MYLK: variants seen among roughly 807,000 people sequenced by gnomAD.
MYLK encodes myosin light chain kinase, smooth muscle.
In MYLK, 106 loss-of-function variants were observed where a neutral mutation model predicts 203.4. That is an observed-to-expected ratio of 0.52 (90% CI 0.45 to 0.61). The LOEUF is 0.61. MYLK is among the 20% of genes least tolerant of loss of function. MYLK has a pLI of 0.00. For missense variants in MYLK, 2,072 were observed against 2,442.3 expected, an observed-to-expected ratio of 0.85 and a Z score of 3.20; for synonymous variants, 867 against 959.5, an observed-to-expected ratio of 0.90 and a Z score of 1.78.
At chr3:123,644,286 T>C (rs949310461) in intron 27 of MYLK, among the ~76,000 whole-genome samples, 8 of 152,174 alleles carry the variant, frequency 5.3e-5, no homozygotes, top group South Asian at 4.1e-4. Flanking sequence ...AAGGGATGTA[T>C]AGATGGAGTA....
At chr3:123,825,504 TC>T (rs1473474487) in intron 3 of MYLK, among the ~76,000 whole-genome samples, 1 of 152,156 alleles carries the variant, frequency 6.6e-6, no homozygotes, top group African/African-American at 2.4e-5. Context: ...TCCTTACAAG[TC>T]CTGGGCCCAG....
chr3:123,774,667 T>C (rs1269460984), intron 4 of MYLK, among the ~76,000 whole-genome samples: 3 of 152,194 alleles, frequency 2.0e-5, no homozygotes, highest in Admixed American at 2.0e-4. Context: ...ATTTCACCAG[T>C]GTCCCCTTAG....
rs9848654 is a variant in MYLK, at chr3:123,661,520, T to A, written c.3985+2585A>T. 4.9e-3 allele frequency among the ~76,000 whole-genome samples: 743 copies of A among 152,234 alleles called. 4 individuals carry two copies. Among genetic ancestry groups the A allele is most frequent in the African/African-American group, 0.018 (727 of 41,530 alleles). On this transcript the variant is annotated intron_variant, in intron 23 of 33. Transcript: ENST00000360304. ...AGAGACAGAGTGAGAAAAGGGTTGT[T>A]CTTCTCCTTTAGAAATGAAAAACCC...
At position 123,682,652 on chromosome 3, in the gene MYLK, C is replaced by T. The variant is rs541007600; in HGVS notation, c.3566-342G>A. 4.6e-5 allele frequency among the ~76,000 whole-genome samples: 7 copies of T among 152,318 alleles called. No individual in the cohort carries two copies. In the East Asian group the frequency reaches 1.4e-3, roughly 30 times the overall value. On this transcript the variant is annotated intron_variant, in intron 19 of 33. Coordinates refer to ENST00000360304, the MANE Select transcript of MYLK (RefSeq NM_053025.4). ...GCTCACCTTCCCTGGCTTTCTCCTC[C>T]ATCAGGCCTTGTCTCCCTCATGCTA...
chr3:123,804,513 C>A (rs2065302739), intron 3 of MYLK, among the ~76,000 whole-genome samples: 1 of 152,162 alleles, frequency 6.6e-6, no homozygotes, highest in Non-Finnish European at 1.5e-5. Context: ...ATCACACACT[C>A]CCCTGGAGCA....
At chr3:123,669,860 C>T (rs1417331007) in intron 20 of MYLK, among the ~76,000 whole-genome samples, 1 of 151,600 alleles carries the variant, frequency 6.6e-6, no homozygotes, top group Non-Finnish European at 1.5e-5. Flanking sequence ...CATGGCAAAA[C>T]CCCATCTCTA....
chr3:123,778,129 A>AG (rs2064145318), intron 4 of MYLK, among the ~76,000 whole-genome samples: 1 of 152,068 alleles, frequency 6.6e-6, no homozygotes, highest in Admixed American at 6.5e-5. Context: ...TGCATTCTCA[A>AG]GGGGGTAATA....
chr3:123,685,839 T>G (rs553186304), intron 19 of MYLK, among the ~76,000 whole-genome samples: 1 of 152,278 alleles, frequency 6.6e-6, no homozygotes, highest in South Asian at 2.1e-4. Flanking sequence ...AGTCTTATTT[T>G]TAGAAGTTTC....
At chr3:123,814,841 G>A (rs1315246363) in intron 3 of MYLK, among the ~76,000 whole-genome samples, 1 of 152,064 alleles carries the variant, frequency 6.6e-6, no homozygotes, top group African/African-American at 2.4e-5. Flanking sequence ...TACCCAGGCT[G>A]GAGTACAGCG....
In MYLK at chr3:123,807,414, G is replaced by A. The variant is rs2065408136; in HGVS notation, c.-3-13570C>T. 3.3e-5 allele frequency among the ~76,000 whole-genome samples: 5 copies of A among 151,270 alleles called. No homozygotes were observed. The South Asian group carries it at 1.0e-3, about 32-fold the overall frequency. On this transcript the variant is annotated intron_variant, in intron 3 of 33. Coordinates refer to ENST00000360304, the MANE Select transcript of MYLK (RefSeq NM_053025.4). ...ACTGCACTCCAGCCTGGGCAATGGA[G>A]TGAAACTCCATCCCCCCACCAAAAA...
At chr3:123,773,546 T>C (rs1358808728) in intron 4 of MYLK, among the ~76,000 whole-genome samples, 1 of 152,232 alleles carries the variant, frequency 6.6e-6, no homozygotes, top group Non-Finnish European at 1.5e-5. Flanking sequence ...GGGAGTGGCA[T>C]GCCATATTTG....
chr3:123,733,245 A>G (rs2108788216), intron 10 of MYLK, 143 bp from the exon 11 acceptor site: 1 of 900,316 alleles, frequency 1.1e-6, no homozygotes, highest in East Asian at 2.6e-5. Flanking sequence ...CTGCTTCCTC[A>G]CCCTCAACCA....
chr3:123,716,271 T>G (rs2061890977), intron 13 of MYLK: 1 of 151,844 alleles, frequency 6.6e-6, no homozygotes. Context: ...TTCCAGGGGG[T>G]TTGTGCAAGC....
intron 23 of MYLK, among the ~76,000 whole-genome samples, chr3:123,663,880 A>G (rs2059647627): frequency 6.6e-6 from 1 of 152,154 alleles, no homozygotes; most frequent in Non-Finnish European, 1.5e-5. Flanking sequence ...GACAGGGAAA[A>G]GGATTTCTGC....
intron 4 of MYLK, among the ~76,000 whole-genome samples, chr3:123,789,272 C>T (rs373424509): frequency 1.1e-4 from 16 of 152,192 alleles, no homozygotes; most frequent in Admixed American, 2.0e-4. Context: ...GAACACAGAG[C>T]GCGCGTCTGA....
chr3:123,645,031 C>T (rs1461234091), intron 27 of MYLK, among the ~76,000 whole-genome samples: 1 of 152,264 alleles, frequency 6.6e-6, no homozygotes, highest in East Asian at 1.9e-4. Context: ...TGTTCCACAA[C>T]ACCTTGTTGG....
At position 123,734,085 on chromosome 3, in the gene MYLK, C is replaced by T; in HGVS notation, c.911G>A (p.Gly304Asp). ...SKNCSSPQRG[G>D]SPPWAANSQP... Reference sequence around the variant, plus strand: ...GCTGTTTGCAGCCCAGGGTGGGGAGCCACCTCTCTGGGGGCTGGAGCAGTT... The same window carrying T: ...GCTGTTTGCAGCCCAGGGTGGGGAGTCACCTCTCTGGGGGCTGGAGCAGTT... Residue 304 changes from glycine to aspartate, a missense_variant, in exon 10 of 34, where the codon GGC (glycine) becomes GAC (aspartate). By Grantham distance (94) the Gly-to-Asp change is moderately conservative. Transcript: ENST00000360304. 1 of 1,612,072 alleles carries T rather than the reference C, an allele frequency of 6.2e-7. No individual in the cohort carries two copies.
intron 19 of MYLK, 68 bp downstream of exon 19, chr3:123,692,667 A>C: frequency 1.6e-6 from 2 of 1,231,716 alleles, no homozygotes; most frequent in Non-Finnish European, 2.4e-6. Context: ...AAGGTATGGT[A>C]AGGAAGGGAG....
At chr3:123,660,219 G>A (rs2059519275) in intron 23 of MYLK, among the ~76,000 whole-genome samples, 3 of 152,198 alleles carry the variant, frequency 2.0e-5, no homozygotes, top group African/African-American at 7.2e-5. Context: ...CTGGACCCTC[G>A]CTCCAGGGCT....
Sources: allele counts gnomAD v4.1 joint callset (sites outside exome capture counted in the v4.1 genomes callset), GRCh38; gene constraint gnomAD v4.1.1; transcripts MANE v1.5; gene names NCBI Gene and HGNC (gene_info 2026-07-23, HGNC 2026-07-21).